The following IL31RA variants were observed in gnomAD, a reference collection of about 807,000 sequenced individuals.
IL31RA encodes the protein interleukin 31 receptor A.
A neutral mutation model predicts 83.7 loss-of-function variants in IL31RA; 66 were observed. That is an observed-to-expected ratio of 0.79 (90% confidence interval 0.65 to 0.97). IL31RA has a LOEUF of 0.97. Ranked by LOEUF, IL31RA falls within the 50% of genes least tolerant of loss-of-function variation. IL31RA has a pLI of 0.00. For missense variants in IL31RA, 798 were observed against 919.4 expected (o/e 0.87, Z 1.71); for synonymous variants, 325 against 329.0 (o/e 0.99, Z 0.13).
At chr5:55,860,305 G>T (rs1745599407) in intron 2 of IL31RA, among the ~76,000 whole-genome samples, 1 of 152,016 alleles carries the variant, frequency 6.6e-6, no homozygotes, top group South Asian at 2.1e-4. Flanking sequence ...GGAGGCGGAG[G>T]TTGCAGTGAG....
At chr5:55,883,694 T>G (rs1747407065) in intron 5 of IL31RA, among the ~76,000 whole-genome samples, 1 of 152,188 alleles carries the variant, frequency 6.6e-6, no homozygotes, top group African/African-American at 2.4e-5. Flanking sequence ...TCATGACCTC[T>G]GTTAGAGCTG....
chr5:55,855,871 A>G (rs757744766), intron 1 of IL31RA, among the ~76,000 whole-genome samples: 5 of 152,046 alleles, frequency 3.3e-5, no homozygotes, highest in Non-Finnish European at 7.4e-5. Context: ...CTAGGTTTAC[A>G]TCTCTTTTGT....
In IL31RA at chr5:55,890,014, G is replaced by A. The variant is rs777610776; in HGVS notation, c.651G>A (p.Thr217=). 6.8e-5 allele frequency: 109 copies of A among 1,613,906 alleles called. No homozygotes were observed. The highest frequency in any genetic ancestry group is 8.0e-5 in the Non-Finnish European group (94 of 1,179,904). ...FAKNRKDKNQ[T]YNLTGLQPFT... is the part of the protein sequence containing the mutation. ...AGAACCGTAAGGATAAAAACCAAAC[G>A]TACAACCTCACGGGGCTGCAGCCTT... The change falls in exon 6 of 15, where the codon ACG becomes ACA. Residue 217 remains threonine, a synonymous_variant. Coordinates refer to ENST00000652347, the MANE Select transcript of IL31RA (RefSeq NM_139017.7).
chr5:55,917,028 G>A lies in IL31RA; in HGVS notation c.2203G>A (p.Gly735Arg). ...SLVPDHLCEEGAPNPYLKNSV... is the reference protein window; with the variant it reads ...SLVPDHLCEERAPNPYLKNSV... Reference sequence around the variant, plus strand: ...AGTACCAGATCATCTGTGTGAGGAAGGAGCCCCAAATCCATATTTGAAAAA... The same window carrying A: ...AGTACCAGATCATCTGTGTGAGGAAAGAGCCCCAAATCCATATTTGAAAAA... The change falls in exon 15 of 15, where the codon GGA becomes AGA. Residue 735 changes from glycine (G) to arginine (R), a missense_variant. Coordinates refer to ENST00000652347, the MANE Select transcript of IL31RA (RefSeq NM_139017.7). The A allele has an allele frequency of 6.2e-7, 1 of 1,614,196 alleles. No homozygotes were observed. The highest frequency in any genetic ancestry group is 8.5e-7 in the Non-Finnish European group (1 of 1,180,032).
intron 14 of IL31RA, 30 bp from the exon 15 acceptor site, chr5:55,916,614 C>T: frequency 4.4e-6 from 7 of 1,594,964 alleles, no homozygotes; most frequent in Non-Finnish European, 6.0e-6. Context: ...TCCTAAATGA[C>T]CACTTGGGAT....
At position 55,908,891 on chromosome 5, in the gene IL31RA, T is replaced by C. The variant is rs324453; in HGVS notation, c.1501+480T>C. 4.9e-3 allele frequency: 6,387 copies of C among 1,300,790 alleles called. 24 individuals carry two copies. Among genetic ancestry groups the C allele is most frequent in the Middle Eastern group, 5.9e-3 (20 of 3,394 alleles). 80.6% of individuals were successfully genotyped at this position (1,300,790 alleles called of 1,614,324 possible). On this transcript the variant is annotated intron_variant, in intron 11 of 14. Transcript: ENST00000652347. ...TAAATAATTTTTTCTTATGGTAAAA[T>C]ACACGTAAAATATTTTTCCAGTTTA... is the stretch of plus-strand genomic sequence containing the variant.
At chr5:55,882,395 G>A (rs1384888085) in intron 4 of IL31RA, among the ~76,000 whole-genome samples, 5 of 152,168 alleles carry the variant, frequency 3.3e-5, no homozygotes, top group African/African-American at 1.2e-4. Flanking sequence ...TTTATTTAGC[G>A]TAATACCAAT....
chr5:55,875,171 C>T (rs1057485182), intron 4 of IL31RA, among the ~76,000 whole-genome samples: 5 of 152,152 alleles, frequency 3.3e-5, no homozygotes, highest in Admixed American at 3.3e-4. Context: ...CTTACATTGA[C>T]TGGTTTTCAT....
At chr5:55,864,008 T>C (rs533637384) in intron 2 of IL31RA, among the ~76,000 whole-genome samples, 2 of 152,194 alleles carry the variant, frequency 1.3e-5, no homozygotes, top group Non-Finnish European at 2.9e-5. Context: ...GTGGCTGGCT[T>C]TGGATTCAAC....
chr5:55,877,119 G>A (rs1746901083), intron 4 of IL31RA, among the ~76,000 whole-genome samples: 1 of 151,614 alleles, frequency 6.6e-6, no homozygotes, highest in Non-Finnish European at 1.5e-5. Flanking sequence ...TTCCTTTGGT[G>A]TATTTTCTAT....
At position 55,901,642 on chromosome 5, in the gene IL31RA, T is replaced by C. The variant is rs184510048; in HGVS notation, c.1069+1510T>C. Among the ~76,000 whole-genome samples, 248 of 151,008 alleles carry C rather than the reference T, an allele frequency of 1.6e-3. 1 individual carries two copies. The Middle Eastern group carries it at 0.017, about 11-fold the overall frequency. On this transcript the variant is annotated intron_variant, in intron 8 of 14. Transcript: ENST00000652347. ...ATTATTATTAATTTTTGAGATGGAG[T>C]TTCGCTCTTGTTGCCCAGGCTGGAG...
chr5:55,867,199 T>TG (rs1561543285), intron 2 of IL31RA, among the ~76,000 whole-genome samples: 3 of 106,676 alleles, frequency 2.8e-5, no homozygotes, highest in Non-Finnish European at 5.5e-5. Flanking sequence ...TTGTGTGTGT[T>TG]TGTGTGTGTG....
intron 5 of IL31RA, among the ~76,000 whole-genome samples, chr5:55,887,815 G>A (rs966666117): frequency 1.3e-5 from 2 of 151,804 alleles, no homozygotes; most frequent in Admixed American, 6.6e-5. Context: ...AACCCAGGAG[G>A]TGGAGCTTGC....
intron 2 of IL31RA, among the ~76,000 whole-genome samples, 176 bp from the exon 3 acceptor site, chr5:55,868,613 TAA>T (rs2112363234): frequency 6.6e-6 from 1 of 152,318 alleles, no homozygotes; most frequent in Admixed American, 6.5e-5. Context: ...AGGGAATAAT[TAA>T]AGAGATGAAG....
chr5:55,844,317 T>C, the IL31RA span, among the ~76,000 whole-genome samples: 1 of 152,170 alleles, frequency 6.6e-6, no homozygotes, highest in South Asian at 2.1e-4. Flanking sequence ...CCGGTAGACC[T>C]GCCTTGCAAG....
intron 2 of IL31RA, among the ~76,000 whole-genome samples, chr5:55,865,395 C>CAA (rs1745992601): frequency 6.6e-6 from 1 of 152,068 alleles, no homozygotes; most frequent in Non-Finnish European, 1.5e-5. Flanking sequence ...AAAGTTGACA[C>CAA]AACAGGAAGC....
At chr5:55,853,551 T>C (rs1415128633) in intron 1 of IL31RA, 1 of 1,551,008 alleles carries the variant, frequency 6.4e-7, no homozygotes, top group South Asian at 1.2e-5. Context: ...CTGTGGAACA[T>C]CCCCTGATAC....
chr5:55,872,855 AT>A (rs1266594218), intron 4 of IL31RA, among the ~76,000 whole-genome samples: 2 of 148,784 alleles, frequency 1.3e-5, no homozygotes, highest in Non-Finnish European at 3.0e-5. Context: ...TTAAAAAAAA[AT>A]CTTTTTCAAA....
intron 1 of IL31RA, chr5:55,852,460 C>T (rs1745121676): frequency 6.6e-6 from 1 of 152,272 alleles, no homozygotes; most frequent in African/African-American, 2.4e-5. Flanking sequence ...GCGTGAGCCA[C>T]CACGCCTGGC....
Sources: gnomAD v4.1 joint callset for allele counts (sites outside exome capture counted in the v4.1 genomes callset) on GRCh38, gnomAD v4.1.1 for gene constraint, MANE v1.5 for transcripts, NCBI Gene and HGNC (gene_info 2026-07-23, HGNC 2026-07-21) for gene names.